The following TUBA1C variants were observed in gnomAD, a reference collection of about 807,000 sequenced individuals.
The protein encoded by TUBA1C is tubulin alpha 1c, also known as tubulin alpha-1C chain.
A neutral mutation model predicts 34.9 loss-of-function variants in TUBA1C; 16 were observed. That is an observed-to-expected ratio of 0.46 (90% confidence interval 0.31 to 0.70). The LOEUF is 0.70. Ranked by LOEUF, TUBA1C falls within the 30% of genes least tolerant of loss-of-function variation. TUBA1C has a pLI of 0.05. For missense variants in TUBA1C, 329 were observed against 587.3 expected (o/e 0.56, Z 4.55); for synonymous variants, 177 against 215.9 (o/e 0.82, Z 1.58).
rs956649549 is a variant in TUBA1C, at chr12:49,258,341, A to T, written c.214-11124A>T. ...GTAATCCCAGCACTTTGGGAGGCCC[A>T]GGAGGGAGCATCACTTGAGCCCAGG... On this transcript the variant is annotated intron_variant, in intron 1 of 3. Transcript: ENST00000541364. Among the ~76,000 whole-genome samples the T allele has an allele frequency of 2.0e-5, 3 of 152,256 alleles. No homozygotes were observed. The East Asian group carries it at 5.8e-4, about 29-fold the overall frequency.
At chr12:49,260,305 G>A (rs552947874), upstream of TUBA1C, among the ~76,000 whole-genome samples, 4 of 152,242 alleles carry the variant, frequency 2.6e-5, no homozygotes, top group South Asian at 2.1e-4. Context: ...CAAAGGAACC[G>A]GTTCAGTTGT....
intron 1 of TUBA1C, among the ~76,000 whole-genome samples, chr12:49,246,675 A>C (rs546654572): frequency 6.6e-6 from 1 of 152,104 alleles, no homozygotes; most frequent in Admixed American, 6.5e-5. Flanking sequence ...CTCAAAAAAA[A>C]AAGAGAAAAT....
At chr12:49,269,418 C>G (rs1008104087) in intron 1 of TUBA1C, 47 bp from the exon 2 acceptor site, 9 of 1,611,770 alleles carry the variant, frequency 5.6e-6, no homozygotes, top group Non-Finnish European at 7.6e-6. Context: ...CCTAAATGTC[C>G]CATCTGATGT....
At chr12:49,267,573 C>A (rs935389093) in intron 1 of TUBA1C, among the ~76,000 whole-genome samples, 4 of 152,160 alleles carry the variant, frequency 2.6e-5, no homozygotes, top group Non-Finnish European at 2.9e-5. Context: ...GCAGGAAAAT[C>A]GCTTGAACCT....
rs907145773 is a variant in TUBA1C at position 49,267,492 on chromosome 12, C to G, written c.4-1973C>G. ...TGGCCAACATGGTGAAACCCCATCTCTACTAAAAATACGAAAATAAGGCAG... is the reference window on the plus strand; with the variant it reads ...TGGCCAACATGGTGAAACCCCATCTGTACTAAAAATACGAAAATAAGGCAG... On this transcript the variant is annotated intron_variant, in intron 1 of 3. Transcript: ENST00000301072. Among the ~76,000 whole-genome samples the G allele has an allele frequency of 7.9e-5, 12 of 152,170 alleles. 1 individual carries two copies. The highest frequency in any genetic ancestry group is 1.8e-4 in the Non-Finnish European group (12 of 68,042).
intron 1 of TUBA1C, among the ~76,000 whole-genome samples, chr12:49,232,360 T>C (rs532532086): frequency 3.9e-4 from 60 of 152,308 alleles, no homozygotes; most frequent in African/African-American, 1.4e-3. Context: ...TATGAACTCA[T>C]TGCAGCCTGC....
At chr12:49,264,972 A>T (rs1420922491), upstream of TUBA1C, 3 of 596,228 alleles carry the variant, frequency 5.0e-6, no homozygotes, top group African/African-American at 5.8e-5. Context: ...GGCGCAGGCC[A>T]GGGCTCGAAG....
Position 49,265,104 on chromosome 12 carries a change from T to A in TUBA1C, c.-78T>A, listed in dbSNP as rs1019551869. The stretch of plus-strand genomic sequence containing the variant: ...TTCACTACTTCTCCCCCGGACTCCT[T>A]GGTAGTCTGTTAGTGGGAGATCCTT... On this transcript the variant is annotated 5_prime_UTR_variant, in exon 1 of 4. Transcript: ENST00000301072. 27 of 1,546,334 alleles carry A rather than the reference T, an allele frequency of 1.7e-5. No homozygotes were observed. The highest frequency in any genetic ancestry group is 2.4e-5 in the Non-Finnish European group (27 of 1,138,374).
At chr12:49,268,778 G>A (rs1213765448) in intron 1 of TUBA1C, among the ~76,000 whole-genome samples, 1 of 152,150 alleles carries the variant, frequency 6.6e-6, no homozygotes, top group Admixed American at 6.6e-5. Flanking sequence ...TGGTTTTAAA[G>A]GAGGGAGAGA....
intron 1 of TUBA1C, among the ~76,000 whole-genome samples, chr12:49,254,004 G>A (rs1942756344): frequency 6.6e-6 from 1 of 152,098 alleles, no homozygotes; most frequent in Non-Finnish European, 1.5e-5. Flanking sequence ...TACAGAGATA[G>A]AAGACAGGAT....
At chr12:49,243,544 G>T (rs766523788) in intron 1 of TUBA1C, among the ~76,000 whole-genome samples, 4 of 152,114 alleles carry the variant, frequency 2.6e-5, no homozygotes, top group Admixed American at 6.6e-5. Flanking sequence ...CCTTTGCTTG[G>T]GAACATCGCA....
intron 1 of TUBA1C, among the ~76,000 whole-genome samples, chr12:49,249,531 A>G (rs755174382): frequency 6.6e-6 from 1 of 152,224 alleles, no homozygotes; most frequent in Non-Finnish European, 1.5e-5. Context: ...AAACAGCAAT[A>G]TAGAAAATCA....
chr12:49,257,545 G>T lies in TUBA1C; in HGVS notation c.214-11920G>T, dbSNP rs540970687. On this transcript the variant is annotated intron_variant, in intron 1 of 3. Coordinates refer to the TUBA1C transcript ENST00000541364. ...GCTTGTAATTCCAGCACTTTGGGAG[G>T]CCAAGGTGGGAGGATTACTTGAGGC... Among the ~76,000 whole-genome samples, 10 of 152,006 alleles carry T rather than the reference G, an allele frequency of 6.6e-5. No homozygotes were observed. The South Asian group carries it at 2.1e-3, about 32-fold the overall frequency.
chr12:49,268,037 C>T (rs1406549440), intron 1 of TUBA1C, among the ~76,000 whole-genome samples: 1 of 152,162 alleles, frequency 6.6e-6, no homozygotes, highest in Non-Finnish European at 1.5e-5. Flanking sequence ...TCTGCTTTGG[C>T]CCCTCTGGCC....
Position 49,274,397 on chromosome 12 carries a change from G to T in TUBA1C, c.*1170G>T, listed in dbSNP as rs1943034694. The T allele has an allele frequency of 7.0e-6, 1 of 143,076 alleles. No homozygotes were observed. The highest frequency in any genetic ancestry group is 2.3e-4 in the South Asian group (1 of 4,328). 8.9% of individuals were successfully genotyped at this position (143,076 alleles called of 1,614,324 possible). On this transcript the variant is annotated 3_prime_UTR_variant, in exon 4 of 4. Transcript: ENST00000301072. ...CAATCCTGCCTCAGCCTCCCAAAGT[G>T]CTGGGATTACAGGAGTGAGCCACTA...
At chr12:49,251,753 G>T (rs1346620555) in intron 1 of TUBA1C, among the ~76,000 whole-genome samples, 1 of 149,284 alleles carries the variant, frequency 6.7e-6, no homozygotes, top group Non-Finnish European at 1.5e-5. Flanking sequence ...CAGCTTGGGC[G>T]ACAGAGCGAG....
intron 1 of TUBA1C, among the ~76,000 whole-genome samples, chr12:49,247,841 A>G (rs1942687624): frequency 6.6e-6 from 1 of 151,000 alleles, no homozygotes; most frequent in African/African-American, 2.4e-5. Context: ...CCAGCTACTC[A>G]GGAGGCTGAA....
At chr12:49,233,892 C>G (rs992838916) in intron 1 of TUBA1C, 1 of 152,260 alleles carries the variant, frequency 6.6e-6, no homozygotes, top group African/African-American at 2.4e-5. Flanking sequence ...AAGAGGGAAG[C>G]TGAGCTCTGG....
At chr12:49,261,292 G>C (rs1183628679), upstream of TUBA1C, among the ~76,000 whole-genome samples, 2 of 151,940 alleles carry the variant, frequency 1.3e-5, no homozygotes, top group Non-Finnish European at 2.9e-5. Context: ...GCTGTCCTTT[G>C]GGGTTGTTAA....
Sources: allele counts gnomAD v4.1 joint callset (sites outside exome capture counted in the v4.1 genomes callset), GRCh38; gene constraint gnomAD v4.1.1; transcripts MANE v1.5; gene names NCBI Gene and HGNC (gene_info 2026-07-23, HGNC 2026-07-21).